Variants in TRIM35 observed in about 807,000 individuals in gnomAD.
TRIM35 encodes the protein E3 ubiquitin-protein ligase TRIM35.
TRIM35 carries 37 observed loss-of-function variants against 49.1 expected under a neutral mutation model. That is an observed-to-expected ratio of 0.75 (90% confidence interval 0.58 to 0.99). TRIM35 has a LOEUF of 0.99. Ranked by LOEUF, TRIM35 falls within the 50% of genes least tolerant of loss-of-function variation. TRIM35 has a pLI of 0.00. For missense variants in TRIM35, 648 were observed against 702.7 expected, an observed-to-expected ratio of 0.92 and a Z score of 0.88; for synonymous variants, 302 against 289.3, an observed-to-expected ratio of 1.04 and a Z score of -0.45.
chr8:27,299,772 G>A (rs1586051051), intron 1 of TRIM35, among the ~76,000 whole-genome samples: 1 of 152,200 alleles, frequency 6.6e-6, no homozygotes, highest in African/African-American at 2.4e-5. Context: ...GCTGTAAAGG[G>A]ATGAGATGTT....
At chr8:27,308,777 T>G (rs1802839904) in intron 1 of TRIM35, among the ~76,000 whole-genome samples, 1 of 152,204 alleles carries the variant, frequency 6.6e-6, no homozygotes, top group Non-Finnish European at 1.5e-5. Flanking sequence ...ACTCAGCCCC[T>G]GACATCATCC....
intron 5 of TRIM35, among the ~76,000 whole-genome samples, chr8:27,288,919 G>T (rs557371576): frequency 6.6e-6 from 1 of 152,174 alleles, no homozygotes; most frequent in African/African-American, 2.4e-5. Context: ...TCTGAAGAAG[G>T]GACCAAGTGT....
intron 1 of TRIM35, among the ~76,000 whole-genome samples, chr8:27,300,472 C>T (rs1192843580): frequency 6.6e-6 from 1 of 151,836 alleles, no homozygotes; most frequent in Non-Finnish European, 1.5e-5. Context: ...GGCAGAGGCA[C>T]CCAGAGCTAA....
At chr8:27,290,422 G>A (rs12386854) in intron 3 of TRIM35, among the ~76,000 whole-genome samples, 87,718 of 152,016 alleles carry the variant, frequency 0.58, 26,554 homozygotes, top group Non-Finnish European at 0.68. Flanking sequence ...GGTCATGAGG[G>A]CAGAGCCCTC....
At chr8:27,296,349 T>C (rs746139388) in intron 2 of TRIM35, among the ~76,000 whole-genome samples, 1 of 151,988 alleles carries the variant, frequency 6.6e-6, no homozygotes, top group Non-Finnish European at 1.5e-5. Context: ...CACAAAAACA[T>C]CAAGAACACA....
chr8:27,309,329 C>G (rs1310113032), intron 1 of TRIM35, among the ~76,000 whole-genome samples: 2 of 152,206 alleles, frequency 1.3e-5, no homozygotes, highest in African/African-American at 2.4e-5. Context: ...TCTGTCACTT[C>G]TGCCAGTGGA....
chr8:27,308,086 C>T (rs986442476), intron 1 of TRIM35, among the ~76,000 whole-genome samples: 2 of 152,110 alleles, frequency 1.3e-5, no homozygotes, highest in Non-Finnish European at 2.9e-5. Context: ...AAGAAGGGGC[C>T]TCTGCAAGCT....
Position 27,288,112 on chromosome 8 carries a change from T to C in TRIM35, c.920A>G (p.Asp307Gly), listed in dbSNP as rs778017427. 10 of 1,606,234 alleles carry C rather than the reference T, an allele frequency of 6.2e-6. No homozygotes were observed. Among genetic ancestry groups the C allele is most frequent in the Non-Finnish European group, 7.6e-6 (9 of 1,179,440 alleles). ...GAGCCAGCCAGCTGCGGTGTTGGGG[T>C]CAAAGCTGAAGGGTACTGCAAGCAG... ...ASVESVPFSFDPNTAAGWLSV... is the reference protein window; with the variant it reads ...ASVESVPFSFGPNTAAGWLSV... Residue 307 changes from aspartate (D) to glycine (G), a missense_variant, in exon 6 of 6, where the codon GAC becomes GGC. Coordinates refer to ENST00000305364, the MANE Select transcript of TRIM35 (RefSeq NM_171982.5).
At chr8:27,304,736 T>G (rs1463151375) in intron 1 of TRIM35, 1 of 430,816 alleles carries the variant, frequency 2.3e-6, no homozygotes, top group Non-Finnish European at 4.6e-6. Flanking sequence ...GTACATGGAA[T>G]GCCTGTGTTT....
chr8:27,290,536 C>T (rs561382753), intron 3 of TRIM35, among the ~76,000 whole-genome samples: 79 of 152,340 alleles, frequency 5.2e-4, no homozygotes, highest in South Asian at 8.3e-4. Context: ...TTTCCTCCTT[C>T]TGCCATGAGA....
intron 2 of TRIM35, among the ~76,000 whole-genome samples, chr8:27,295,102 GC>G (rs2130279823): frequency 6.6e-6 from 1 of 152,338 alleles, no homozygotes; most frequent in South Asian, 2.1e-4. Context: ...GGGATTACAA[GC>G]GTGAGCCACT....
Position 27,288,051 on chromosome 8 carries a change from A to G in TRIM35, c.981T>C (p.His327=), listed in dbSNP as rs2130253963. Residue 327 remains histidine (H), a synonymous_variant, in exon 6 of 6, where the codon CAT becomes CAC. Coordinates refer to ENST00000305364, the MANE Select transcript of TRIM35 (RefSeq NM_171982.5). ...VSDDLTSVTN[H]GYRVQVENPE... The stretch of plus-strand genomic sequence containing the variant: ...GGTTCTCCACCTGCACGCGGTAGCC[A>G]TGGTTGGTGACGCTGGTGAGGTCGT... The G allele has an allele frequency of 2.5e-6, 4 of 1,613,376 alleles. No homozygotes were observed. Among genetic ancestry groups the G allele is most frequent in the Non-Finnish European group, 3.4e-6 (4 of 1,179,974 alleles).
At chr8:27,309,589 G>A (rs1489512953) in intron 1 of TRIM35, among the ~76,000 whole-genome samples, 3 of 152,202 alleles carry the variant, frequency 2.0e-5, no homozygotes, top group Non-Finnish European at 2.9e-5. Context: ...AGTCCATGCA[G>A]CTTCGGGCCA....
At position 27,286,100 on chromosome 8, in the gene TRIM35, C is replaced by T. The variant is rs1316645325; in HGVS notation, c.*1450G>A. ...GGATGGGCAGAAGGCAGGATGCTGT[C>T]CTTGGTCAGGAATGTGACCCAGATT... On this transcript the variant is annotated 3_prime_UTR_variant, in exon 6 of 6. Coordinates refer to ENST00000305364, the MANE Select transcript of TRIM35 (RefSeq NM_171982.5). The T allele has an allele frequency of 4.4e-6, 2 of 456,244 alleles. No homozygotes were observed. The highest frequency in any genetic ancestry group is 1.5e-5 in the South Asian group (1 of 64,572). The allele number at this position is 456,244 out of a possible 1,614,324, so 28.3% of individuals were successfully genotyped here.
chr8:27,306,216 C>T (rs1444165324), intron 1 of TRIM35, among the ~76,000 whole-genome samples: 1 of 152,166 alleles, frequency 6.6e-6, no homozygotes, highest in Non-Finnish European at 1.5e-5. Context: ...CATTTAATGG[C>T]AACCTAAACC....
At chr8:27,306,240 T>A (rs1802781699) in intron 1 of TRIM35, among the ~76,000 whole-genome samples, 1 of 152,224 alleles carries the variant, frequency 6.6e-6, no homozygotes, top group South Asian at 2.1e-4. Flanking sequence ...CCTAAGACAA[T>A]CCTACTCCAA....
intron 2 of TRIM35, among the ~76,000 whole-genome samples, chr8:27,298,091 T>C (rs571506553): frequency 6.6e-6 from 1 of 152,134 alleles, no homozygotes; most frequent in Admixed American, 6.5e-5. Context: ...ACTTTGGAGA[T>C]AGGGGAATAG....
chr8:27,310,800 C>T lies in TRIM35; in HGVS notation c.435+1G>A. On this transcript the variant is annotated splice_donor_variant, in intron 1 of 5. Transcript: ENST00000305364. LOFTEE classifies it high-confidence loss of function. ...CGCCTCGTGCAAATCGCTGCTCTTACCCGAAAGTCGTGGGCAGTGTCCTTC... is the reference window on the plus strand; with the variant it reads ...CGCCTCGTGCAAATCGCTGCTCTTATCCGAAAGTCGTGGGCAGTGTCCTTC... The T allele has an allele frequency of 6.3e-7, 1 of 1,582,418 alleles. No individual in the cohort carries two copies. The highest frequency in any genetic ancestry group is 8.6e-7 in the Non-Finnish European group (1 of 1,159,394).
At position 27,288,026 on chromosome 8, in the gene TRIM35, G is replaced by C. The variant is rs764806703; in HGVS notation, c.1006C>G (p.Pro336Ala). Residue 336 changes from proline to alanine, a missense_variant, in exon 6 of 6, where the codon CCG (proline) becomes GCG (alanine). Transcript: ENST00000305364. ...CAGGGCGCCGAGGAGAAGCGTTCCG[G>C]GTTCTCCACCTGCACGCGGTAGCCA... ...NHGYRVQVEN[P>A]ERFSSAPCLL... 9.9e-6 allele frequency: 16 copies of C among 1,613,646 alleles called. No homozygotes were observed. In the East Asian group the frequency reaches 3.3e-4, roughly 34 times the overall value.
Sources: gnomAD v4.1 joint callset for allele counts (sites outside exome capture counted in the v4.1 genomes callset) on GRCh38, gnomAD v4.1.1 for gene constraint, MANE v1.5 for transcripts, NCBI Gene and HGNC (gene_info 2026-07-23, HGNC 2026-07-21) for gene names.